The following ABCA8 variants were observed in gnomAD, a reference collection of about 807,000 sequenced individuals.
ABCA8 encodes the protein ABC-type organic anion transporter ABCA8.
A neutral mutation model predicts 192.3 loss-of-function variants in ABCA8; 177 were observed. That is an observed-to-expected ratio of 0.92 (90% CI 0.81 to 1.04). ABCA8 has a LOEUF of 1.04. Ranked by LOEUF, ABCA8 falls within the 50% of genes least tolerant of loss-of-function variation. The pLI is 0.00. For missense variants in ABCA8, 1,915 were observed against 1,904.8 expected (o/e 1.01, Z -0.10); for synonymous variants, 642 against 690.2 (o/e 0.93, Z 1.09).
chr17:68,922,224 T>TAAC lies in ABCA8; in HGVS notation c.1501+17_1501+18insGTT. The TAAC allele has an allele frequency of 1.1e-5, 3 of 274,024 alleles. No homozygotes were observed. Among genetic ancestry groups the TAAC allele is most frequent in the Non-Finnish European group, 1.1e-5 (2 of 183,000 alleles). The allele number at this position is 274,024 out of a possible 1,614,324, so 17.0% of individuals were successfully genotyped here. On this transcript the variant is annotated intron_variant, in intron 12 of 39. Coordinates refer to ENST00000586539, the MANE Select transcript of ABCA8 (RefSeq NM_001288985.2). ...TTTTTTTTTTTTTTTTTTTTTTTTT[T>TAAC]TTTTTTTTTTTTTTTACCTTTCAAG...
intron 20 of ABCA8, among the ~76,000 whole-genome samples, 164 bp downstream of exon 20, chr17:68,903,137 T>G (rs1461422542): frequency 6.6e-6 from 1 of 152,216 alleles, no homozygotes; most frequent in Non-Finnish European, 1.5e-5. Flanking sequence ...GTCCTTTGGA[T>G]GTCAAGATTC....
intron 32 of ABCA8, 61 bp downstream of exon 32, chr17:68,881,059 C>T: frequency 8.5e-7 from 1 of 1,182,468 alleles, no homozygotes; most frequent in Non-Finnish European, 1.3e-6. Flanking sequence ...TTTTTAAGGT[C>T]ATCAAATCTT....
In ABCA8 at chr17:68,928,073, A is replaced by G. The variant is rs1320491830; in HGVS notation, c.1126-10T>C. ...AGTCCAAGTGTAAAAGCTGAAAATT[A>G]AAAAGTAATTAATTAAGGGAAATTA... On this transcript the variant is annotated splice_polypyrimidine_tract_variant and intron_variant, in intron 9 of 39. Coordinates refer to ENST00000586539, the MANE Select transcript of ABCA8 (RefSeq NM_001288985.2). 1 of 1,570,460 alleles carries G rather than the reference A, an allele frequency of 6.4e-7. No homozygotes were observed. The highest frequency in any genetic ancestry group is 1.4e-5 in the African/African-American group (1 of 72,580).
rs1567829900 is a variant in ABCA8 at position 68,887,522 on chromosome 17, C to CAA, written c.3145-18_3145-17dup. 6.4e-7 allele frequency: 1 copy of CAA among 1,570,764 alleles called. No individual in the cohort carries two copies. The highest frequency in any genetic ancestry group is 8.6e-7 in the Non-Finnish European group (1 of 1,161,716). ...GAGCTCTGTTCTAATTAGGAGACAG[C>CAA]AAAGATACAAAGTTTGTGGCTTAAG... On this transcript the variant is annotated splice_polypyrimidine_tract_variant and intron_variant, in intron 24 of 39. Transcript: ENST00000586539.
chr17:68,899,637 A>C (rs1413767466), intron 21 of ABCA8, among the ~76,000 whole-genome samples: 2 of 152,136 alleles, frequency 1.3e-5, no homozygotes. Flanking sequence ...ATTTTCACCC[A>C]CAACAGCAGA....
rs1051206043 is a variant in ABCA8, at chr17:68,867,895, T to C, written c.*190A>G. On this transcript the variant is annotated 3_prime_UTR_variant, in exon 40 of 40. Coordinates refer to ENST00000586539, the MANE Select transcript of ABCA8 (RefSeq NM_001288985.2). ...GAGATACAGAGGCTGTGAGAGGAGGTTGGCTTAGTCAAATGCCTCTGTCCA... is the reference window on the plus strand; with the variant it reads ...GAGATACAGAGGCTGTGAGAGGAGGCTGGCTTAGTCAAATGCCTCTGTCCA... 7.4e-6 allele frequency: 4 copies of C among 537,844 alleles called. No individual in the cohort carries two copies. Among genetic ancestry groups the C allele is most frequent in the African/African-American group, 5.7e-5 (3 of 52,944 alleles). The allele number at this position is 537,844 out of a possible 1,614,324, so 33.3% of individuals were successfully genotyped here.
intron 26 of ABCA8, chr17:68,886,679 A>G (rs899597598): frequency 6.4e-5 from 10 of 155,880 alleles, no homozygotes; most frequent in Middle Eastern, 2.9e-3. Context: ...CCCATTATCA[A>G]TCTTAACTTG....
chr17:68,929,160 A>G lies in ABCA8; in HGVS notation c.1014T>C (p.Thr338=), dbSNP rs2067786858. ...TGAACCCCAGACACCCCCAAAAGAC[A>G]GTGAGGAGGAACACGACCAGGCCGG... ...FLTGLVVFLL[T]VFWGCLGFTS... Residue 338 remains threonine (T), a synonymous_variant, in exon 9 of 40, where the codon ACT becomes ACC. Coordinates refer to ENST00000586539, the MANE Select transcript of ABCA8 (RefSeq NM_001288985.2). The G allele has an allele frequency of 6.2e-7, 1 of 1,611,614 alleles. No individual in the cohort carries two copies. Among genetic ancestry groups the G allele is most frequent in the South Asian group, 1.1e-5 (1 of 90,472 alleles).
At chr17:68,935,441 T>G (rs2068035391) in intron 5 of ABCA8, among the ~76,000 whole-genome samples, 1 of 151,088 alleles carries the variant, frequency 6.6e-6, no homozygotes, top group Admixed American at 6.6e-5. Flanking sequence ...TTTGCCTTTA[T>G]TTTTCACTAT....
intron 37 of ABCA8, among the ~76,000 whole-genome samples, chr17:68,874,464 A>G (rs1215586822): frequency 6.6e-6 from 1 of 152,162 alleles, no homozygotes; most frequent in Admixed American, 6.5e-5. Flanking sequence ...AATTAAGAAG[A>G]TTTACATTTC....
chr17:68,886,842 A>G (rs1192368500), intron 26 of ABCA8, 175 bp downstream of exon 26: 5 of 368,870 alleles, frequency 1.4e-5, no homozygotes, highest in Non-Finnish European at 2.4e-5. Flanking sequence ...ATTAATTCTT[A>G]TTAGGGACTT....
chr17:68,934,567 A>C (rs1189015616), intron 5 of ABCA8, among the ~76,000 whole-genome samples: 1 of 152,172 alleles, frequency 6.6e-6, no homozygotes, highest in African/African-American at 2.4e-5. Context: ...CCTGCATTTA[A>C]ATGCCTTGGG....
At chr17:68,905,973 A>C in intron 19 of ABCA8, 71 bp downstream of exon 19, 1 of 1,380,454 alleles carries the variant, frequency 7.2e-7, no homozygotes, top group Non-Finnish European at 9.7e-7. Flanking sequence ...ACATTTTGTA[A>C]TCACATCTTT....
At chr17:68,923,215 TTTGA>T (rs1469676608) in intron 11 of ABCA8, among the ~76,000 whole-genome samples, 4 of 151,584 alleles carry the variant, frequency 2.6e-5, no homozygotes, top group African/African-American at 9.7e-5. Flanking sequence ...TATTTTTTTT[TTTGA>T]GAGAGAGTCT....
intron 11 of ABCA8, among the ~76,000 whole-genome samples, chr17:68,924,498 T>G (rs1314927892): frequency 6.6e-6 from 1 of 152,112 alleles, no homozygotes; most frequent in Non-Finnish European, 1.5e-5. Flanking sequence ...AGCTTTTATT[T>G]AGTGTAAATG....
chr17:68,892,320 C>A (rs185937635), intron 23 of ABCA8, among the ~76,000 whole-genome samples: 13 of 152,244 alleles, frequency 8.5e-5, no homozygotes, highest in African/African-American at 2.6e-4. Context: ...AAGGTTATAG[C>A]TTATTGTCTG....
At chr17:68,920,569 A>G (rs1421420187) in intron 13 of ABCA8, among the ~76,000 whole-genome samples, 4 of 152,220 alleles carry the variant, frequency 2.6e-5, no homozygotes, top group Non-Finnish European at 4.4e-5. Flanking sequence ...ACATACTTCC[A>G]CAGAATATTA....
chr17:68,903,602 G>A lies in ABCA8; in HGVS notation c.2399-103C>T, dbSNP rs566648166. ...GATTAGACTCTTCCGCGTTACTATA[G>A]GTATAACGTGGTTTTGCTGGTTACT... On this transcript the variant is annotated intron_variant, in intron 19 of 39. Transcript: ENST00000586539. The A allele has an allele frequency of 1.3e-4, 137 of 1,019,120 alleles. 1 individual carries two copies. The East Asian group carries it at 3.3e-3, about 24-fold the overall frequency. The allele number at this position is 1,019,120 out of a possible 1,614,324, so 63.1% of individuals were successfully genotyped here. A position where few individuals can be genotyped will look rare whatever the true frequency, so the allele number is the denominator to read the frequency against.
intron 7 of ABCA8, 129 bp from the exon 8 acceptor site, chr17:68,929,831 TGG>T (rs2067809979): frequency 1.1e-6 from 1 of 879,744 alleles, no homozygotes; most frequent in African/African-American, 1.7e-5. Context: ...ATTTATTTAT[TGG>T]GTGTTCTAAG....
Sources: allele counts gnomAD v4.1 joint callset (sites outside exome capture counted in the v4.1 genomes callset), GRCh38; gene constraint gnomAD v4.1.1; transcripts MANE v1.5; gene names NCBI Gene and HGNC (gene_info 2026-07-23, HGNC 2026-07-21).